ITGA9: variants seen among roughly 807,000 people sequenced by gnomAD.
ITGA9 encodes integrin alpha-9.
ITGA9 carries 56 observed loss-of-function variants against 127.8 expected under a neutral mutation model. The observed-to-expected ratio is 0.44, with a 90% CI of 0.35 to 0.55. The LOEUF (loss-of-function observed/expected upper bound fraction) is 0.55. Among genes scored for constraint, ITGA9 ranks in the 20% least tolerant of loss-of-function variants. The pLI is 0.00. For synonymous variants in ITGA9, 508 were observed against 514.5 expected, an observed-to-expected ratio of 0.99 and a Z score of 0.17; for missense variants, 1,196 against 1,347.1, an observed-to-expected ratio of 0.89 and a Z score of 1.76.
intron 18 of ITGA9, among the ~76,000 whole-genome samples, chr3:37,706,366 A>G (rs909662972): frequency 6.6e-6 from 1 of 152,146 alleles, no homozygotes; most frequent in African/African-American, 2.4e-5. Flanking sequence ...CTGAGATGTA[A>G]TGACTCAAGG....
At chr3:37,682,338 A>G (rs1045709444) in intron 17 of ITGA9, among the ~76,000 whole-genome samples, 5 of 152,246 alleles carry the variant, frequency 3.3e-5, no homozygotes, top group Admixed American at 2.6e-4. Flanking sequence ...TCCAATGGCC[A>G]GTTCTAATTA....
chr3:37,745,211 A>G (rs993132551), intron 22 of ITGA9, among the ~76,000 whole-genome samples: 1 of 152,212 alleles, frequency 6.6e-6, no homozygotes, highest in Non-Finnish European at 1.5e-5. Flanking sequence ...TCTGACAAAC[A>G]ATGGTCTTCC....
At chr3:37,679,765 T>C (rs1175713734) in intron 17 of ITGA9, among the ~76,000 whole-genome samples, 1 of 152,176 alleles carries the variant, frequency 6.6e-6, no homozygotes, top group Non-Finnish European at 1.5e-5. Context: ...TTTCTGATAT[T>C]CAAGGAATTT....
chr3:37,620,339 G>A (rs1005686480), intron 15 of ITGA9, among the ~76,000 whole-genome samples: 1 of 152,144 alleles, frequency 6.6e-6, no homozygotes, highest in Non-Finnish European at 1.5e-5. Flanking sequence ...GTTCCAGCCT[G>A]CTCTCCTTCC....
At chr3:37,729,937 C>T (rs1166949292) in intron 18 of ITGA9, among the ~76,000 whole-genome samples, 2 of 152,072 alleles carry the variant, frequency 1.3e-5, no homozygotes, top group African/African-American at 2.4e-5. Context: ...TTCTTGACCT[C>T]GTGAACCGCC....
chr3:37,686,165 A>G (rs908700651), intron 18 of ITGA9, among the ~76,000 whole-genome samples: 3 of 150,660 alleles, frequency 2.0e-5, no homozygotes, highest in African/African-American at 4.8e-5. Context: ...GACTTTTTGC[A>G]TCTCGTCCGC....
chr3:37,560,219 C>T lies in ITGA9; in HGVS notation c.1689+17634C>T, dbSNP rs554253130. On this transcript the variant is annotated intron_variant, in intron 15 of 27. Transcript: ENST00000264741. ...ATGTAGTGTTTGGTTTTCTGTCCTT[C>T]TGATGGTTTGCTGAGAATGATGGTT... 1.2e-4 allele frequency among the ~76,000 whole-genome samples: 18 copies of T among 152,130 alleles called. No individual in the cohort carries two copies. The South Asian group carries it at 3.7e-3, about 32-fold the overall frequency.
At chr3:37,481,363 C>A in intron 3 of ITGA9, 121 bp from the exon 4 acceptor site, 1 of 1,343,324 alleles carries the variant, frequency 7.4e-7, no homozygotes, top group Non-Finnish European at 1.1e-6. Flanking sequence ...GAAGGTGTGG[C>A]TTTCTGGTCC....
At chr3:37,778,140 T>G (rs1282785358) in intron 24 of ITGA9, among the ~76,000 whole-genome samples, 1 of 152,180 alleles carries the variant, frequency 6.6e-6, no homozygotes. Context: ...AGCCACATAT[T>G]GTAATATTTC....
At chr3:37,790,090 G>T (rs1425754687) in intron 26 of ITGA9, 1 of 554,668 alleles carries the variant, frequency 1.8e-6, no homozygotes, top group African/African-American at 1.9e-5. Context: ...AAGTGTCAGT[G>T]CTTCTACAAT....
chr3:37,680,543 T>A (rs1700725799), intron 17 of ITGA9, among the ~76,000 whole-genome samples: 1 of 152,184 alleles, frequency 6.6e-6, no homozygotes, highest in African/African-American at 2.4e-5. Flanking sequence ...GTCCCTGGCC[T>A]GATCCCTTAC....
chr3:37,541,775 C>T (rs1265627871), intron 14 of ITGA9, among the ~76,000 whole-genome samples: 1 of 152,208 alleles, frequency 6.6e-6, no homozygotes, highest in Non-Finnish European at 1.5e-5. Context: ...ATCTGGGTTC[C>T]TGTGCATGTA....
intron 17 of ITGA9, among the ~76,000 whole-genome samples, chr3:37,665,599 G>A (rs1310835253): frequency 2.0e-5 from 3 of 151,354 alleles, no homozygotes; most frequent in Non-Finnish European, 4.4e-5. Context: ...GATTATAGGC[G>A]CCCACCACCA....
intron 25 of ITGA9, 72 bp from the exon 26 acceptor site, chr3:37,784,905 G>T: frequency 7.9e-7 from 1 of 1,262,968 alleles, no homozygotes; most frequent in Non-Finnish European, 1.2e-6. Flanking sequence ...TTTCAGTTCT[G>T]CCCAGTCCCT....
At chr3:37,458,841 T>G (rs990498248) in intron 1 of ITGA9, among the ~76,000 whole-genome samples, 3 of 152,224 alleles carry the variant, frequency 2.0e-5, no homozygotes, top group Non-Finnish European at 4.4e-5. Context: ...AGGTGCCTCT[T>G]TCTGATGTCA....
intron 23 of ITGA9, among the ~76,000 whole-genome samples, chr3:37,756,943 G>GCCT: frequency 6.6e-6 from 1 of 151,962 alleles, no homozygotes; most frequent in African/African-American, 2.4e-5. Context: ...AGAAATCAAA[G>GCCT]TTGAAGGGAT....
intron 18 of ITGA9, among the ~76,000 whole-genome samples, chr3:37,690,217 A>G (rs141433915): frequency 4.3e-4 from 66 of 152,252 alleles, no homozygotes; most frequent in African/African-American, 1.5e-3. Context: ...CCTAGGTTGG[A>G]GCAGGGATGA....
chr3:37,792,059 G>A (rs1048337933), intron 26 of ITGA9, among the ~76,000 whole-genome samples: 5 of 152,178 alleles, frequency 3.3e-5, no homozygotes, highest in East Asian at 3.9e-4. Context: ...GGTCATCACC[G>A]CCCCCATCCT....
chr3:37,725,780 A>G (rs1696183034), intron 18 of ITGA9, among the ~76,000 whole-genome samples: 1 of 152,220 alleles, frequency 6.6e-6, no homozygotes, highest in African/African-American at 2.4e-5. Flanking sequence ...CAATACTCCT[A>G]TAAGGCACAT....
Sources: gnomAD v4.1 joint callset for allele counts (sites outside exome capture counted in the v4.1 genomes callset) on GRCh38, gnomAD v4.1.1 for gene constraint, MANE v1.5 for transcripts, NCBI Gene and HGNC (gene_info 2026-07-23, HGNC 2026-07-21) for gene names.